CSMD1: variants seen among roughly 807,000 people sequenced by gnomAD.
CSMD1 encodes CUB and sushi domain-containing protein 1.
Under a neutral mutation model 417.5 loss-of-function variants are expected in CSMD1, and 213 were observed. The observed-to-expected ratio is 0.51, with a 90% CI of 0.46 to 0.57. The LOEUF (loss-of-function observed/expected upper bound fraction) is 0.57. CSMD1 is among the 20% of genes least tolerant of loss of function. The probability of loss-of-function intolerance (pLI) is 0.00; values close to 1 mark genes in which losing one functional copy is unlikely to be tolerated. For synonymous variants in CSMD1, 2,862 were observed against 1,736.8 expected (o/e 1.65, Z -16.11); for missense variants, 6,923 against 4,529.7 (o/e 1.53, Z -15.17).
At chr8:4,343,406 T>C (rs1800593338) in intron 3 of CSMD1, among the ~76,000 whole-genome samples, 1 of 152,028 alleles carries the variant, frequency 6.6e-6, no homozygotes, top group Non-Finnish European at 1.5e-5. Flanking sequence ...ACCTTAAGTG[T>C]TGTAACCATA....
chr8:4,211,206 T>C (rs1800290462), intron 3 of CSMD1, among the ~76,000 whole-genome samples: 1 of 147,880 alleles, frequency 6.8e-6, no homozygotes, highest in African/African-American at 2.5e-5. Flanking sequence ...TCATTTGCCT[T>C]TTTTTTTTTA....
At chr8:3,681,359 AT>A (rs1799651715) in intron 7 of CSMD1, among the ~76,000 whole-genome samples, 1 of 152,180 alleles carries the variant, frequency 6.6e-6, no homozygotes, top group Non-Finnish European at 1.5e-5. Flanking sequence ...TACAAAATCA[AT>A]GTGCAAAAAT....
chr8:4,728,573 C>T (rs1040791578), intron 1 of CSMD1, among the ~76,000 whole-genome samples: 3 of 152,070 alleles, frequency 2.0e-5, no homozygotes, highest in South Asian at 2.1e-4. Context: ...CTTTATTCAG[C>T]TCTGTTACTG....
chr8:4,174,716 G>A (rs1379423356), intron 3 of CSMD1, among the ~76,000 whole-genome samples: 2 of 109,598 alleles, frequency 1.8e-5, no homozygotes, highest in Non-Finnish European at 3.5e-5. Flanking sequence ...GAAGAGAGAG[G>A]AAGAGGGATG....
At chr8:3,098,117 C>T (rs567980194) in intron 46 of CSMD1, among the ~76,000 whole-genome samples, 1 of 152,070 alleles carries the variant, frequency 6.6e-6, no homozygotes, top group Non-Finnish European at 1.5e-5. Flanking sequence ...GTGTATAAAA[C>T]TATTAAGGGA....
intron 23 of CSMD1, among the ~76,000 whole-genome samples, chr8:3,316,798 G>T (rs867154812): frequency 6.6e-6 from 1 of 152,154 alleles, no homozygotes; most frequent in Non-Finnish European, 1.5e-5. Flanking sequence ...CGTGCAGTGG[G>T]GGGAAGGCAA....
At chr8:4,639,648 G>C (rs920982718) in intron 1 of CSMD1, among the ~76,000 whole-genome samples, 2 of 152,190 alleles carry the variant, frequency 1.3e-5, no homozygotes, top group Admixed American at 6.5e-5. Context: ...TGTAGTGTAA[G>C]TACTTGAATA....
chr8:3,341,217 C>G (rs1807620936), intron 23 of CSMD1, among the ~76,000 whole-genome samples: 1 of 152,100 alleles, frequency 6.6e-6, no homozygotes, highest in African/African-American at 2.4e-5. Context: ...CAACATGGAA[C>G]AAGCCGACCA....
At chr8:3,439,957 G>C (rs1814865683) in intron 12 of CSMD1, among the ~76,000 whole-genome samples, 1 of 152,098 alleles carries the variant, frequency 6.6e-6, no homozygotes, top group Non-Finnish European at 1.5e-5. Flanking sequence ...CAAAAACCAG[G>C]AGGGCATCTT....
chr8:3,046,079 G>A (rs1009856686), intron 50 of CSMD1, among the ~76,000 whole-genome samples: 3 of 152,260 alleles, frequency 2.0e-5, no homozygotes, highest in Middle Eastern at 3.4e-3. Flanking sequence ...TCAAAATAAA[G>A]AGAAGTTTGT....
intron 46 of CSMD1, among the ~76,000 whole-genome samples, chr8:3,098,144 T>C (rs1230455746): frequency 1.3e-5 from 2 of 152,232 alleles, no homozygotes; most frequent in African/African-American, 4.8e-5. Context: ...TTTCTATTAC[T>C]GGTAATGGTT....
chr8:3,614,730 A>C (rs529717481), intron 8 of CSMD1, among the ~76,000 whole-genome samples: 10 of 152,240 alleles, frequency 6.6e-5, no homozygotes, highest in Admixed American at 1.3e-4. Flanking sequence ...TCTGATACAC[A>C]AAGTATATAT....
In CSMD1 at chr8:3,308,299, C is replaced by A. The variant is rs753455520; in HGVS notation, c.3823+13G>T. On this transcript the variant is annotated intron_variant, in intron 24 of 69. Transcript: ENST00000635120. ...TGGCTTTTGCACAATGGTATGACTG[C>A]TTCCACACTCACCTATGCACGAAGG... is the stretch of plus-strand genomic sequence containing the variant. The A allele has an allele frequency of 1.3e-6, 2 of 1,592,280 alleles. No individual in the cohort carries two copies. The highest frequency in any genetic ancestry group is 2.3e-5 in the East Asian group (1 of 44,244).
At chr8:4,822,913 G>C (rs1799601447) in intron 1 of CSMD1, among the ~76,000 whole-genome samples, 1 of 152,050 alleles carries the variant, frequency 6.6e-6, no homozygotes, top group East Asian at 1.9e-4. Context: ...TGTACTTTCT[G>C]TGACTAATAT....
At chr8:4,730,433 T>C (rs1768400935) in intron 1 of CSMD1, among the ~76,000 whole-genome samples, 2 of 152,062 alleles carry the variant, frequency 1.3e-5, no homozygotes, top group African/African-American at 4.8e-5. Flanking sequence ...ATTCAAAGAA[T>C]AATCAGATTT....
At chr8:3,685,750 T>G (rs1799914985) in intron 7 of CSMD1, among the ~76,000 whole-genome samples, 1 of 151,966 alleles carries the variant, frequency 6.6e-6, no homozygotes, top group South Asian at 2.1e-4. Context: ...TATAACATGT[T>G]TTATTGCTTT....
chr8:3,733,379 T>C lies in CSMD1; in HGVS notation c.931+20551A>G, dbSNP rs142848500. Among the ~76,000 whole-genome samples, 140 of 148,032 alleles carry C rather than the reference T, an allele frequency of 9.5e-4. 1 individual carries two copies. In the East Asian group the frequency reaches 0.023, roughly 24 times the overall value. Reference sequence around the variant, plus strand: ...TATATAATATATATATAAAATATAATATATATTATCTGGATTAGATGATAG... The same window carrying C: ...TATATAATATATATATAAAATATAACATATATTATCTGGATTAGATGATAG... On this transcript the variant is annotated intron_variant, in intron 6 of 69. Coordinates refer to ENST00000635120, the MANE Select transcript of CSMD1 (RefSeq NM_033225.6).
intron 6 of CSMD1, among the ~76,000 whole-genome samples, chr8:3,742,153 G>A (rs1378343866): frequency 1.3e-5 from 2 of 151,940 alleles, no homozygotes; most frequent in African/African-American, 2.4e-5. Context: ...CACTTCTATC[G>A]CCTTTCTGTA....
intron 5 of CSMD1, among the ~76,000 whole-genome samples, chr8:3,922,454 T>C (rs978250996): frequency 4.6e-5 from 7 of 152,068 alleles, no homozygotes; most frequent in Admixed American, 4.6e-4. Context: ...ATATATTCTG[T>C]TCTGTTTCTC....
Sources: allele counts gnomAD v4.1 joint callset (sites outside exome capture counted in the v4.1 genomes callset), GRCh38; gene constraint gnomAD v4.1.1; transcripts MANE v1.5; gene names NCBI Gene and HGNC (gene_info 2026-07-23, HGNC 2026-07-21).